Variants in NUGGC observed in about 807,000 individuals in gnomAD.
The protein encoded by NUGGC is nuclear GTPase SLIP-GC.
In NUGGC, 58 loss-of-function variants were observed where a neutral mutation model predicts 92.6. The observed-to-expected ratio is 0.63, with a 90% CI of 0.51 to 0.78. The LOEUF (loss-of-function observed/expected upper bound fraction) is 0.78, where lower values mean the gene tolerates loss of function less well. Among genes scored for constraint, NUGGC ranks in the 30% least tolerant of loss-of-function variants. The pLI is 0.00. For synonymous variants in NUGGC, 376 were observed against 366.4 expected, an observed-to-expected ratio of 1.03 and a Z score of -0.30; for missense variants, 925 against 964.6, an observed-to-expected ratio of 0.96 and a Z score of 0.54.
chr8:28,023,358 C>T lies in NUGGC; in HGVS notation c.2350G>A (p.Ala784Thr). The change falls in exon 19 of 19, where the codon GCA becomes ACA. Residue 784 changes from alanine (A) to threonine (T), a missense_variant. Coordinates refer to ENST00000413272, the MANE Select transcript of NUGGC (RefSeq NM_001010906.2). ...GGGGGGCCAGCCTTGCTGGGGGATG[C>T]CCTTAGGAGGAATTCTTGCATGCCC... Reference protein sequence around the residue: ...RKGMQEFLLRASPSKAGPPGT... With the variant: ...RKGMQEFLLRTSPSKAGPPGT... The T allele has an allele frequency of 6.8e-6, 11 of 1,613,930 alleles. No individual in the cohort carries two copies. The highest frequency in any genetic ancestry group is 9.3e-6 in the Non-Finnish European group (11 of 1,179,856).
chr8:28,025,846 A>G (rs1192343680), intron 18 of NUGGC, among the ~76,000 whole-genome samples: 1 of 152,186 alleles, frequency 6.6e-6, no homozygotes, highest in African/African-American at 2.4e-5. Flanking sequence ...ATAAAATATA[A>G]AAGGCACAAA....
In NUGGC at chr8:28,040,470, T is replaced by C. The variant is rs529540194; in HGVS notation, c.1611+581A>G. Among the ~76,000 whole-genome samples, 24 of 152,264 alleles carry C rather than the reference T, an allele frequency of 1.6e-4. No individual in the cohort carries two copies. The East Asian group carries it at 4.4e-3, about 28-fold the overall frequency. On this transcript the variant is annotated intron_variant, in intron 13 of 18. Transcript: ENST00000413272. ...TAGGGCTTTGCCCGGGGCTACAAGGTGGATGTTTGGTGGAGCTGGTACTCC... is the reference window on the plus strand; with the variant it reads ...TAGGGCTTTGCCCGGGGCTACAAGGCGGATGTTTGGTGGAGCTGGTACTCC...
At chr8:28,065,237 TA>T (rs1810411613) in intron 6 of NUGGC, among the ~76,000 whole-genome samples, 1 of 136,788 alleles carries the variant, frequency 7.3e-6, no homozygotes, top group African/African-American at 2.7e-5. Context: ...CTCGGCTCAC[TA>T]CAAGCTCCGC....
chr8:28,081,355 A>C (rs1362731264), intron 1 of NUGGC, among the ~76,000 whole-genome samples: 1 of 152,036 alleles, frequency 6.6e-6, no homozygotes. Flanking sequence ...CGTTGTGAGA[A>C]TTAAATGTGA....
intron 6 of NUGGC, among the ~76,000 whole-genome samples, chr8:28,066,769 C>A (rs554338804): frequency 2.0e-5 from 3 of 152,294 alleles, no homozygotes; most frequent in African/African-American, 7.2e-5. Context: ...AGTTGCCTAT[C>A]GAATGTCCAT....
intron 13 of NUGGC, among the ~76,000 whole-genome samples, chr8:28,040,151 C>G (rs1809655596): frequency 6.6e-6 from 1 of 152,110 alleles, no homozygotes; most frequent in Admixed American, 6.5e-5. Context: ...TTCAGGCCAC[C>G]CAGTCTATAG....
chr8:28,065,134 A>G (rs1481900019), intron 6 of NUGGC, among the ~76,000 whole-genome samples: 1 of 151,194 alleles, frequency 6.6e-6, no homozygotes, highest in Non-Finnish European at 1.5e-5. Context: ...CAAACTGAAA[A>G]TTGATCTGAA....
At chr8:28,027,375 T>C (rs919834156) in intron 17 of NUGGC, among the ~76,000 whole-genome samples, 2 of 152,134 alleles carry the variant, frequency 1.3e-5, no homozygotes, top group Non-Finnish European at 2.9e-5. Context: ...GCGGAGAGAA[T>C]GGCAATCACA....
At chr8:28,026,933 C>T in intron 18 of NUGGC, 29 bp downstream of exon 18, 1 of 1,463,160 alleles carries the variant, frequency 6.8e-7, no homozygotes, top group African/African-American at 1.4e-5. Context: ...TGCACAATCA[C>T]CCTGTATACA....
Position 28,029,293 on chromosome 8 carries a change from C to T in NUGGC, c.2127G>A (p.Arg709=). 6.2e-7 allele frequency: 1 copy of T among 1,607,120 alleles called. No homozygotes were observed. Among genetic ancestry groups the T allele is most frequent in the Non-Finnish European group, 8.5e-7 (1 of 1,176,808 alleles). The change falls in exon 17 of 19, where the codon AGG becomes AGA. Residue 709 remains arginine (R), a synonymous_variant. Transcript: ENST00000413272. ...TCAGCTGCTGAAACTGGTGCTGCAT[C>T]CTTTCCTGGGCCCTTTCAAACATGC... is the stretch of plus-strand genomic sequence containing the variant. ...AEGMFERAQE[R]MQHQFQQLKT...
In NUGGC at chr8:28,051,958, AC is replaced by A. The variant is rs373952567; in HGVS notation, c.1206+4006del. On this transcript the variant is annotated intron_variant, in intron 10 of 18. Transcript: ENST00000413272. ...ACAAAAACAAAAACAAACAAAAAAA[AC>A]CAAACTGGGTCAAGGCAAAATTTAA... is the stretch of plus-strand genomic sequence containing the variant. 1.5e-3 allele frequency among the ~76,000 whole-genome samples: 233 copies of A among 152,178 alleles called. 1 individual carries two copies. The highest frequency in any genetic ancestry group is 3.4e-3 in the Middle Eastern group (1 of 294).
intron 10 of NUGGC, among the ~76,000 whole-genome samples, chr8:28,050,069 A>G (rs1024456570): frequency 1.3e-5 from 2 of 152,116 alleles, no homozygotes; most frequent in African/African-American, 4.8e-5. Flanking sequence ...CCAGGACAAC[A>G]AAGGAAGACA....
chr8:28,040,978 A>T lies in NUGGC; in HGVS notation c.1611+73T>A, dbSNP rs114153050. On this transcript the variant is annotated intron_variant, in intron 13 of 18. Coordinates refer to ENST00000413272, the MANE Select transcript of NUGGC (RefSeq NM_001010906.2). ...CTTTACCTCTTTTGAAGGGAATGGG[A>T]TGATGCAAAAGAAGCTTGGGGATCG... is the stretch of plus-strand genomic sequence containing the variant. 6.7e-4 allele frequency: 946 copies of T among 1,402,360 alleles called. 17 individuals are homozygous for T. In the African/African-American group the frequency reaches 0.012, roughly 17 times the overall value. The allele number at this position is 1,402,360 out of a possible 1,614,324, so 86.9% of individuals were successfully genotyped here.
intron 13 of NUGGC, among the ~76,000 whole-genome samples, chr8:28,040,155 T>G (rs1809655806): frequency 6.6e-6 from 1 of 152,196 alleles, no homozygotes; most frequent in Non-Finnish European, 1.5e-5. Context: ...GGCCACCCAG[T>G]CTATAGGATT....
chr8:28,074,292 C>T lies in NUGGC; in HGVS notation c.43+76G>A, dbSNP rs1012916704. On this transcript the variant is annotated intron_variant, in intron 2 of 18. Coordinates refer to ENST00000413272, the MANE Select transcript of NUGGC (RefSeq NM_001010906.2). ...CAATGACAACAGTGAAATATAGTCC[C>T]AACCTATTTGCCTTTTATCCTATAT... 7 of 1,009,398 alleles carry T rather than the reference C, an allele frequency of 6.9e-6. No individual in the cohort carries two copies. The South Asian group carries it at 7.9e-5, about 11-fold the overall frequency. The allele number at this position is 1,009,398 out of a possible 1,614,324, so 62.5% of individuals were successfully genotyped here.
intron 2 of NUGGC, 33 bp from the exon 3 acceptor site, chr8:28,070,389 G>A (rs1242742688): frequency 8.6e-7 from 1 of 1,168,842 alleles, no homozygotes; most frequent in Non-Finnish European, 1.2e-6. Context: ...TAAGATTATA[G>A]GTGTTGGGGT....
At chr8:28,040,130 G>A (rs1444793549) in intron 13 of NUGGC, among the ~76,000 whole-genome samples, 2 of 152,128 alleles carry the variant, frequency 1.3e-5, no homozygotes, top group Admixed American at 6.6e-5. Flanking sequence ...TGGGAAAATC[G>A]ATGTCTGTGG....
At chr8:28,054,212 T>C (rs1810075769) in intron 10 of NUGGC, among the ~76,000 whole-genome samples, 1 of 152,240 alleles carries the variant, frequency 6.6e-6, no homozygotes, top group Non-Finnish European at 1.5e-5. Context: ...CCAGACGTGG[T>C]GGCTCACGTT....
chr8:28,081,226 G>A (rs1245648062), intron 1 of NUGGC, among the ~76,000 whole-genome samples: 2 of 152,138 alleles, frequency 1.3e-5, no homozygotes, highest in Admixed American at 6.5e-5. Context: ...GACTGAGGCA[G>A]GAGAGTCACT....
Sources: allele counts gnomAD v4.1 joint callset (sites outside exome capture counted in the v4.1 genomes callset), GRCh38; gene constraint gnomAD v4.1.1; transcripts MANE v1.5; gene names NCBI Gene and HGNC (gene_info 2026-07-23, HGNC 2026-07-21).